PDE1A: variants seen among roughly 807,000 people sequenced by gnomAD.
PDE1A encodes the protein dual specificity calcium/calmodulin-dependent 3',5'-cyclic nucleotide phosphodiesterase 1A.
A neutral mutation model predicts 61.7 loss-of-function variants in PDE1A; 35 were observed. That is an observed-to-expected ratio of 0.57 (90% CI 0.43 to 0.75). The LOEUF (loss-of-function observed/expected upper bound fraction) is 0.75. PDE1A is among the 30% of genes least tolerant of loss of function. The probability of loss-of-function intolerance (pLI) is 0.00; values close to 1 mark genes in which losing one functional copy is unlikely to be tolerated. For synonymous variants in PDE1A, 232 were observed against 213.2 expected (o/e 1.09, Z -0.77); for missense variants, 597 against 630.6 (o/e 0.95, Z 0.57).
chr2:182,660,384 A>T, the PDE1A span, among the ~76,000 whole-genome samples: 1 of 152,178 alleles, frequency 6.6e-6, no homozygotes, highest in African/African-American at 2.4e-5. Context: ...GGAATCCTAA[A>T]ATGATCCCAT....
the PDE1A span, among the ~76,000 whole-genome samples, chr2:182,566,891 C>T: frequency 6.6e-6 from 1 of 152,110 alleles, no homozygotes; most frequent in Non-Finnish European, 1.5e-5. Flanking sequence ...TAAACTTATT[C>T]CTGTGAATAC....
the PDE1A span, among the ~76,000 whole-genome samples, chr2:182,650,574 G>A: frequency 2.6e-5 from 4 of 152,072 alleles, no homozygotes; most frequent in Non-Finnish European, 5.9e-5. Flanking sequence ...TCCCCAGAAA[G>A]CATCTCAAAA....
the PDE1A span, among the ~76,000 whole-genome samples, chr2:182,648,777 G>A: frequency 6.6e-6 from 1 of 151,290 alleles, no homozygotes; most frequent in Non-Finnish European, 1.5e-5. Flanking sequence ...CACCAACAAA[G>A]CATCCTAATA....
At chr2:182,242,401 CAAAT>C (rs1327962235) in intron 2 of PDE1A, among the ~76,000 whole-genome samples, 1 of 151,980 alleles carries the variant, frequency 6.6e-6, no homozygotes, top group Non-Finnish European at 1.5e-5. Context: ...TAGGGACACA[CAAAT>C]AAAGGACGAC....
the PDE1A span, among the ~76,000 whole-genome samples, chr2:182,667,175 A>G: frequency 2.0e-5 from 3 of 152,148 alleles, no homozygotes; most frequent in Non-Finnish European, 4.4e-5. Flanking sequence ...CTGTTTTATA[A>G]ATTAAGCAGC....
At chr2:182,648,355 T>C in the PDE1A span, among the ~76,000 whole-genome samples, 1 of 151,656 alleles carries the variant, frequency 6.6e-6, no homozygotes, top group Non-Finnish European at 1.5e-5. Context: ...TCACAGTTTG[T>C]GGCAAGAGCT....
At chr2:182,684,838 T>A in the PDE1A span, among the ~76,000 whole-genome samples, 1,901 of 152,234 alleles carry the variant, frequency 0.012, 38 homozygotes, top group African/African-American at 0.043. Context: ...ATTAACCATA[T>A]AAATGTTAAA....
the PDE1A span, among the ~76,000 whole-genome samples, chr2:182,553,734 G>A: frequency 6.6e-6 from 1 of 152,212 alleles, no homozygotes; most frequent in East Asian, 1.9e-4. Flanking sequence ...AACTGGAACT[G>A]AAAGTATGAG....
intron 10 of PDE1A, among the ~76,000 whole-genome samples, chr2:182,198,836 T>C (rs1483891787): frequency 6.6e-6 from 1 of 151,956 alleles, no homozygotes; most frequent in Non-Finnish European, 1.5e-5. Flanking sequence ...TGTCAAATTT[T>C]CCTCTTCCTC....
the PDE1A span, among the ~76,000 whole-genome samples, chr2:182,569,223 A>AG: frequency 1.4e-5 from 2 of 147,596 alleles, no homozygotes; most frequent in Non-Finnish European, 3.0e-5. Flanking sequence ...ACTGCACTTC[A>AG]GCCTGAGTGA....
At chr2:182,303,682 A>C (rs756453778) in intron 1 of PDE1A, among the ~76,000 whole-genome samples, 1 of 152,308 alleles carries the variant, frequency 6.6e-6, no homozygotes, top group Non-Finnish European at 1.5e-5. Context: ...CTGGCTTCAA[A>C]GCTTGGCATT....
chr2:182,492,493 A>G (rs1365847149), intron 2 of PDE1A, among the ~76,000 whole-genome samples: 1 of 152,232 alleles, frequency 6.6e-6, no homozygotes, highest in Admixed American at 6.5e-5. Context: ...AACATCACAT[A>G]AAATTTTTAG....
intron 7 of PDE1A, among the ~76,000 whole-genome samples, chr2:182,212,272 T>TACACACAC (rs575732647): frequency 6.6e-6 from 1 of 151,652 alleles, no homozygotes; most frequent in African/African-American, 2.4e-5. Flanking sequence ...CATTTATATA[T>TACACACAC]ATATACACAC....
the PDE1A span, among the ~76,000 whole-genome samples, chr2:182,592,861 T>G: frequency 1.3e-5 from 2 of 152,168 alleles, no homozygotes; most frequent in South Asian, 4.1e-4. Context: ...CTGTTGTGCC[T>G]CTCTGGACAG....
chr2:182,291,893 G>A (rs2125887740), intron 1 of PDE1A, among the ~76,000 whole-genome samples: 1 of 152,122 alleles, frequency 6.6e-6, no homozygotes, highest in South Asian at 2.1e-4. Context: ...TATGCAATTT[G>A]GAGAATAAAT....
the PDE1A span, among the ~76,000 whole-genome samples, chr2:182,575,254 A>G: frequency 6.6e-6 from 1 of 151,972 alleles, no homozygotes; most frequent in Admixed American, 6.6e-5. Flanking sequence ...ATACTAAAAG[A>G]CACCCTAATT....
At chr2:182,391,738 C>T (rs182444365) in intron 1 of PDE1A, among the ~76,000 whole-genome samples, 21 of 152,204 alleles carry the variant, frequency 1.4e-4, no homozygotes, top group African/African-American at 5.1e-4. Context: ...GTGTAGTTAC[C>T]ATAATGAACA....
At chr2:182,585,857 G>T in the PDE1A span, among the ~76,000 whole-genome samples, 189 of 152,106 alleles carry the variant, frequency 1.2e-3, no homozygotes, top group Non-Finnish European at 1.9e-3. Flanking sequence ...ACATATTCTT[G>T]TTTACTAATT....
chr2:182,494,613 C>A (rs575618564), intron 2 of PDE1A, among the ~76,000 whole-genome samples: 1 of 152,176 alleles, frequency 6.6e-6, no homozygotes, highest in African/African-American at 2.4e-5. Flanking sequence ...GACATTCTGG[C>A]TCCTTTTAGT....
Sources: gnomAD v4.1 joint callset for allele counts (sites outside exome capture counted in the v4.1 genomes callset) on GRCh38, gnomAD v4.1.1 for gene constraint, MANE v1.5 for transcripts, NCBI Gene and HGNC (gene_info 2026-07-23, HGNC 2026-07-21) for gene names.